PLEKHA3: variants seen among roughly 807,000 people sequenced by gnomAD.
PLEKHA3 encodes the protein pleckstrin homology domain-containing family A member 3.
PLEKHA3 carries 19 observed loss-of-function variants against 39.2 expected under a neutral mutation model. The observed-to-expected ratio is 0.48, with a 90% CI of 0.34 to 0.71. The LOEUF (loss-of-function observed/expected upper bound fraction) is 0.71. PLEKHA3 is among the 30% of genes least tolerant of loss of function. PLEKHA3 has a pLI of 0.01. For synonymous variants in PLEKHA3, 97 were observed against 118.6 expected (o/e 0.82, Z 1.18); for missense variants, 253 against 359.5 (o/e 0.70, Z 2.40).
Position 178,485,101 on chromosome 2 carries a change from G to A in PLEKHA3, c.41-540G>A, listed in dbSNP as rs1685228075. On this transcript the variant is annotated intron_variant, in intron 1 of 7. Coordinates refer to ENST00000234453, the MANE Select transcript of PLEKHA3 (RefSeq NM_019091.4). The stretch of plus-strand genomic sequence containing the variant: ...ATATGTATTTTATAAGAGGCACATT[G>A]CAGAATTAGAGGGCTAGGTGGCACC... 3.3e-5 allele frequency among the ~76,000 whole-genome samples: 5 copies of A among 152,220 alleles called. No individual in the cohort carries two copies. The South Asian group carries it at 1.0e-3, about 32-fold the overall frequency.
Position 178,507,226 on chromosome 2 carries a change from T to G in PLEKHA3, c.*3339T>G, listed in dbSNP as rs1212785894. 2 of 152,292 alleles carry G rather than the reference T, an allele frequency of 1.3e-5. No individual in the cohort carries two copies. Among genetic ancestry groups the G allele is most frequent in the East Asian group, 3.9e-4 (2 of 5,186 alleles). The allele number at this position is 152,292 out of a possible 1,614,324, so 9.4% of individuals were successfully genotyped here. ...TAGACAGGATTTACTTTACTTAAAC[T>G]CTCCACCTCCCACATTTTTCTTCCC... On this transcript the variant is annotated 3_prime_UTR_variant, in exon 8 of 8. Transcript: ENST00000234453.
chr2:178,485,419 G>A (rs1220595607), intron 1 of PLEKHA3, among the ~76,000 whole-genome samples: 2 of 152,192 alleles, frequency 1.3e-5, no homozygotes, highest in Admixed American at 6.5e-5. Flanking sequence ...ATTACTCCCC[G>A]TGTTTTTGCT....
rs555996292 is a variant in PLEKHA3, at chr2:178,501,926, T to A, written c.775+750T>A. 2.6e-5 allele frequency among the ~76,000 whole-genome samples: 4 copies of A among 152,084 alleles called. No homozygotes were observed. The South Asian group carries it at 8.3e-4, about 32-fold the overall frequency. On this transcript the variant is annotated intron_variant, in intron 7 of 7. Coordinates refer to ENST00000234453, the MANE Select transcript of PLEKHA3 (RefSeq NM_019091.4). Reference sequence around the variant, plus strand: ...AATTAAGGAACAGGTCGTGTTCCAATAGTTAGTTCATTTGTAAGTCAGTTG... The same window carrying A: ...AATTAAGGAACAGGTCGTGTTCCAAAAGTTAGTTCATTTGTAAGTCAGTTG...
Position 178,499,194 on chromosome 2 carries a change from T to A in PLEKHA3, c.616-17T>A, listed in dbSNP as rs1163947813. On this transcript the variant is annotated splice_polypyrimidine_tract_variant and intron_variant, in intron 5 of 7. Coordinates refer to ENST00000234453, the MANE Select transcript of PLEKHA3 (RefSeq NM_019091.4). Reference sequence around the variant, plus strand: ...ATGGATTATGCTAATTTTTTTTTTTTTTTCCAAAATTTCTAGATGAAGCGT... The same window carrying A: ...ATGGATTATGCTAATTTTTTTTTTTATTTCCAAAATTTCTAGATGAAGCGT... 1 of 1,606,562 alleles carries A rather than the reference T, an allele frequency of 6.2e-7. No homozygotes were observed. The highest frequency in any genetic ancestry group is 1.3e-5 in the African/African-American group (1 of 74,320).
At chr2:178,500,945 G>A (rs989868016) in intron 6 of PLEKHA3, 116 bp from the exon 7 acceptor site, 10 of 707,986 alleles carry the variant, frequency 1.4e-5, no homozygotes, top group African/African-American at 5.4e-5. Flanking sequence ...AACACGGGAC[G>A]TTGAGCATAA....
At chr2:178,498,106 T>C (rs1365530052) in intron 5 of PLEKHA3, among the ~76,000 whole-genome samples, 1 of 152,224 alleles carries the variant, frequency 6.6e-6, no homozygotes, top group African/African-American at 2.4e-5. Flanking sequence ...TCTCAATGAA[T>C]TCATCTTAGA....
At chr2:178,494,906 CTTT>C (rs143346176) in intron 4 of PLEKHA3, among the ~76,000 whole-genome samples, 1 of 122,270 alleles carries the variant, frequency 8.2e-6, no homozygotes, top group Non-Finnish European at 1.8e-5. Context: ...AACTTCTCAT[CTTT>C]TTTTTTTTTT....
chr2:178,485,830 G>A, intron 2 of PLEKHA3, 73 bp downstream of exon 2: 2 of 1,132,530 alleles, frequency 1.8e-6, no homozygotes, highest in Admixed American at 1.9e-5. Context: ...TCCAGACGAG[G>A]AAAAAAAGCA....
At chr2:178,486,461 C>G (rs1244210063) in intron 2 of PLEKHA3, among the ~76,000 whole-genome samples, 1 of 152,108 alleles carries the variant, frequency 6.6e-6, no homozygotes, top group Non-Finnish European at 1.5e-5. Flanking sequence ...TTTCATTTCT[C>G]CACTCTAGCT....
rs1282425825 is a variant in PLEKHA3 at position 178,490,130 on chromosome 2, G to A, written c.158-529G>A. On this transcript the variant is annotated intron_variant, in intron 2 of 7. Transcript: ENST00000234453. Reference sequence around the variant, plus strand: ...GTGTGCAGGAGAAGAGGTAGAAAGAGGGGAAGAGATGAATGTCTTCAAAAT... The same window carrying A: ...GTGTGCAGGAGAAGAGGTAGAAAGAAGGGAAGAGATGAATGTCTTCAAAAT... 2.0e-5 allele frequency among the ~76,000 whole-genome samples: 3 copies of A among 152,314 alleles called. No individual in the cohort carries two copies. The South Asian group carries it at 6.2e-4, about 32-fold the overall frequency.
chr2:178,484,912 G>A (rs973145387), intron 1 of PLEKHA3, among the ~76,000 whole-genome samples: 8 of 152,172 alleles, frequency 5.3e-5, no homozygotes, highest in African/African-American at 1.9e-4. Flanking sequence ...AATATCAATC[G>A]AACAATTGCA....
intron 1 of PLEKHA3, 27 bp from the exon 2 acceptor site, chr2:178,485,614 A>G: frequency 1.4e-6 from 2 of 1,415,828 alleles, no homozygotes; most frequent in Non-Finnish European, 2.0e-6. Flanking sequence ...TTTCCAATTG[A>G]CCTTTTGTTA....
At position 178,480,618 on chromosome 2, in the gene PLEKHA3, C is replaced by A; in HGVS notation, c.-252C>A. ...GTCGCGGGCGCATTTTTGCCGTTGTCGCGGCCGCCGCCGCCGAGGCTTACC... is the reference window on the plus strand; with the variant it reads ...GTCGCGGGCGCATTTTTGCCGTTGTAGCGGCCGCCGCCGCCGAGGCTTACC... On this transcript the variant is annotated 5_prime_UTR_variant, in exon 1 of 8. Coordinates refer to ENST00000234453, the MANE Select transcript of PLEKHA3 (RefSeq NM_019091.4). 3.3e-6 allele frequency: 1 copy of A among 304,106 alleles called. No individual in the cohort carries two copies. Among genetic ancestry groups the A allele is most frequent in the Non-Finnish European group, 6.0e-6 (1 of 166,206 alleles). The allele number at this position is 304,106 out of a possible 1,614,324, so 18.8% of individuals were successfully genotyped here.
intron 1 of PLEKHA3, 88 bp downstream of exon 1, chr2:178,480,997 T>C (rs1454248089): frequency 4.4e-5 from 53 of 1,195,768 alleles, no homozygotes; most frequent in Middle Eastern, 2.1e-4. Flanking sequence ...CCGTCTGGCC[T>C]CCGCGGACCC....
rs1263223329 is a variant in PLEKHA3, at chr2:178,490,645, G to C, written c.158-14G>C. On this transcript the variant is annotated splice_polypyrimidine_tract_variant and intron_variant, in intron 2 of 7. Transcript: ENST00000234453. ...AAGTCTATAACTGTATTTCCCCTTT[G>C]TTTATCATCATAGTTCATTCAGCAG... 2.5e-6 allele frequency: 4 copies of C among 1,608,872 alleles called. No individual in the cohort carries two copies. In the African/African-American group the frequency reaches 5.4e-5, roughly 22 times the overall value.
intron 3 of PLEKHA3, among the ~76,000 whole-genome samples, chr2:178,491,770 C>G (rs1291048090): frequency 1.3e-5 from 2 of 151,626 alleles, no homozygotes; most frequent in African/African-American, 4.9e-5. Context: ...GACTCATGGC[C>G]CTAGAGGCTG....
Position 178,503,745 on chromosome 2 carries a change from T to C in PLEKHA3, c.776-15T>C, listed in dbSNP as rs1685565694. The C allele has an allele frequency of 1.9e-6, 3 of 1,609,108 alleles. No homozygotes were observed. Among genetic ancestry groups the C allele is most frequent in the Non-Finnish European group, 2.5e-6 (3 of 1,176,540 alleles). ...ATTGACAGGATGTTTAACGTTTTTA[T>C]CAATGTCTTCATAGGACCTGTTCAC... On this transcript the variant is annotated splice_polypyrimidine_tract_variant and intron_variant, in intron 7 of 7. Transcript: ENST00000234453.
chr2:178,489,720 G>A (rs1053899801), intron 2 of PLEKHA3, among the ~76,000 whole-genome samples: 1 of 152,014 alleles, frequency 6.6e-6, no homozygotes, highest in African/African-American at 2.4e-5. Flanking sequence ...TACATTCTGT[G>A]TTTATTTTCT....
chr2:178,495,708 G>C (rs1320396500), intron 5 of PLEKHA3, 48 bp downstream of exon 5: 5 of 1,536,406 alleles, frequency 3.3e-6, no homozygotes, highest in Non-Finnish European at 4.4e-6. Context: ...AATGTTGCAT[G>C]TGGTTTTCGT....
Sources: allele counts gnomAD v4.1 joint callset (sites outside exome capture counted in the v4.1 genomes callset), GRCh38; gene constraint gnomAD v4.1.1; transcripts MANE v1.5; gene names NCBI Gene and HGNC (gene_info 2026-07-23, HGNC 2026-07-21).